Variants in DIDO1 observed in about 807,000 individuals in gnomAD.
DIDO1 encodes death-inducer obliterator 1.
In DIDO1, 16 loss-of-function variants were observed where a neutral mutation model predicts 99.4. The observed-to-expected ratio is 0.16, with a 90% confidence interval of 0.11 to 0.24. The LOEUF is 0.24. DIDO1 is among the 10% of genes least tolerant of loss of function. The pLI is 1.00. For synonymous variants in DIDO1, 1,366 were observed against 1,239.1 expected, an observed-to-expected ratio of 1.10 and a Z score of -2.15; for missense variants, 2,996 against 3,014.0, an observed-to-expected ratio of 0.99 and a Z score of 0.14.
In DIDO1 at chr20:62,878,836, T is replaced by C. The variant is rs1346697124; in HGVS notation, c.*397A>G. The C allele has an allele frequency of 1.2e-5, 2 of 162,340 alleles. No homozygotes were observed. Among genetic ancestry groups the C allele is most frequent in the African/African-American group, 4.8e-5 (2 of 41,854 alleles). The allele number at this position is 162,340 out of a possible 1,614,324, so 10.1% of individuals were successfully genotyped here. A position where few individuals can be genotyped will look rare whatever the true frequency, so the allele number is the denominator to read the frequency against. On this transcript the variant is annotated 3_prime_UTR_variant, in exon 16 of 16. Transcript: ENST00000395343. ...CCTGCAGGTCACGCCCACACCGGCCTCCGGGGCGGCGGCTAAGACCTGTAA... is the reference window on the plus strand; with the variant it reads ...CCTGCAGGTCACGCCCACACCGGCCCCCGGGGCGGCGGCTAAGACCTGTAA...
intron 1 of DIDO1, among the ~76,000 whole-genome samples, chr20:62,922,178 A>ATG (rs1197457944): frequency 7.4e-5 from 11 of 149,146 alleles, no homozygotes; most frequent in African/African-American, 2.5e-4. Context: ...GCTCTTTTAT[A>ATG]TGTATGTGTG....
upstream of DIDO1, among the ~76,000 whole-genome samples, chr20:62,929,692 A>AAAAAAAAAAAAAAATATATATAT: frequency 1.1e-4 from 7 of 63,710 alleles, no homozygotes; most frequent in African/African-American, 5.3e-4. Flanking sequence ...AAAAAGAAAA[A>AAAAAAAAAAAAAAATATATATAT]GTGTATATAT....
intron 1 of DIDO1, among the ~76,000 whole-genome samples, chr20:62,936,697 C>G (rs569283206): frequency 2.6e-4 from 39 of 151,730 alleles, no homozygotes; most frequent in African/African-American, 9.0e-4. Context: ...AACCCCGTCT[C>G]TACTAAAAAT....
At chr20:62,901,208 G>A (rs1410389444) in intron 6 of DIDO1, among the ~76,000 whole-genome samples, 1 of 152,214 alleles carries the variant, frequency 6.6e-6, no homozygotes, top group Non-Finnish European at 1.5e-5. Context: ...CTACAGCCAG[G>A]ACGCCCTTGC....
chr20:62,897,676 G>A (rs1280155456), intron 6 of DIDO1, among the ~76,000 whole-genome samples: 1 of 152,176 alleles, frequency 6.6e-6, no homozygotes, highest in Non-Finnish European at 1.5e-5. Flanking sequence ...TCCAAACAAG[G>A]ATTATAATTA....
At chr20:62,925,754 G>C (rs1017518980) in intron 1 of DIDO1, among the ~76,000 whole-genome samples, 2 of 152,212 alleles carry the variant, frequency 1.3e-5, no homozygotes, top group Non-Finnish European at 2.9e-5. Flanking sequence ...GGCCCTTTCG[G>C]CTTCCGGGGT....
Position 62,911,641 on chromosome 20 carries a change from G to C in DIDO1, c.-2-27C>G, listed in dbSNP as rs745576653. The C allele has an allele frequency of 4.5e-5, 68 of 1,508,148 alleles. No homozygotes were observed. Among genetic ancestry groups the C allele is most frequent in the Non-Finnish European group, 5.7e-5 (64 of 1,126,366 alleles). The allele number at this position is 1,508,148 out of a possible 1,614,324, so 93.4% of individuals were successfully genotyped here. A position where few individuals can be genotyped will look rare whatever the true frequency, so the allele number is the denominator to read the frequency against. ...TAGCGGTAAAGTGTAAGCACATAGT[G>C]ACCAACTGACCACAGAACAAAAGGT... On this transcript the variant is annotated intron_variant, in intron 2 of 15. Transcript: ENST00000395343. This position sits in a 1 kb window ranked among gnomAD's most constrained non-coding sequence, Gnocchi z 7.0.
At chr20:62,897,355 G>C (rs751718971) in intron 6 of DIDO1, among the ~76,000 whole-genome samples, 107 of 152,202 alleles carry the variant, frequency 7.0e-4, no homozygotes, top group Non-Finnish European at 1.3e-3. Flanking sequence ...ATTTACAGCA[G>C]CACTATCATT....
At chr20:62,929,067 A>T (rs546505193), upstream of DIDO1, 103 of 152,086 alleles carry the variant, frequency 6.8e-4, 1 homozygote, top group African/African-American at 2.1e-3. Context: ...TGACAAAAAT[A>T]CTCCAGGAGG....
intron 1 of DIDO1, among the ~76,000 whole-genome samples, chr20:62,918,074 C>T (rs2065071142): frequency 6.6e-6 from 1 of 152,240 alleles, no homozygotes; most frequent in Non-Finnish European, 1.5e-5. Context: ...CACAAGGGTT[C>T]TGTAACTACC....
At chr20:62,910,645 T>C in intron 3 of DIDO1, 129 bp downstream of exon 3, 1 of 1,165,202 alleles carries the variant, frequency 8.6e-7, no homozygotes, top group Non-Finnish European at 1.2e-6. Context: ...TGTTTCTTTT[T>C]TGACAACTTG....
intron 15 of DIDO1, 34 bp downstream of exon 15, chr20:62,890,926 G>T: frequency 6.2e-7 from 1 of 1,612,570 alleles, no homozygotes; most frequent in East Asian, 2.2e-5. Context: ...AGGTGCAGGT[G>T]GGCCTCACCT....
At chr20:62,923,893 T>G (rs965787798) in intron 1 of DIDO1, among the ~76,000 whole-genome samples, 13 of 152,230 alleles carry the variant, frequency 8.5e-5, no homozygotes, top group Non-Finnish European at 1.9e-4. Flanking sequence ...AACCGCCTAT[T>G]AAGTTTTATG....
chr20:62,879,526 T>A lies in DIDO1; in HGVS notation c.6430A>T (p.Ser2144Cys), dbSNP rs957683635. The A allele has an allele frequency of 4.4e-6, 7 of 1,599,638 alleles. No homozygotes were observed. Among genetic ancestry groups the A allele is most frequent in the Non-Finnish European group, 5.9e-6 (7 of 1,179,130 alleles). The change falls in exon 16 of 16, where the codon AGC (serine) becomes TGC (cysteine). Residue 2144 changes from serine (S) to cysteine (C), a missense_variant. Coordinates refer to ENST00000395343, the MANE Select transcript of DIDO1 (RefSeq NM_001193369.2). This position sits in a 1 kb window ranked among gnomAD's most constrained non-coding sequence, Gnocchi z 6.3. ...EWDRHRDKDS[S>C]RDWDRNRERS... ...TCCCGGTTTCTGTCCCAGTCCCGGCTGGAGTCCTTGTCCCGGTGTCGGTCC... is the reference window on the plus strand; with the variant it reads ...TCCCGGTTTCTGTCCCAGTCCCGGCAGGAGTCCTTGTCCCGGTGTCGGTCC...
At chr20:62,922,198 A>G (rs544075256) in intron 1 of DIDO1, among the ~76,000 whole-genome samples, 3,934 of 90,980 alleles carry the variant, frequency 0.043, 146 homozygotes, top group African/African-American at 0.15. Flanking sequence ...GTGTGTGTGT[A>G]TATATATATG....
At chr20:62,892,464 G>A (rs569917207) in intron 13 of DIDO1, among the ~76,000 whole-genome samples, 4 of 152,294 alleles carry the variant, frequency 2.6e-5, no homozygotes, top group Non-Finnish European at 5.9e-5. Flanking sequence ...GCGCCACCCC[G>A]CAAGTGGCCA....
At chr20:62,916,425 G>A (rs543084714) in intron 1 of DIDO1, among the ~76,000 whole-genome samples, 14 of 152,272 alleles carry the variant, frequency 9.2e-5, no homozygotes, top group East Asian at 3.9e-4. Flanking sequence ...CTTGAATGGC[G>A]GCTCTCAAAC....
At chr20:62,902,453 A>C (rs1256946087) in intron 6 of DIDO1, among the ~76,000 whole-genome samples, 2 of 152,186 alleles carry the variant, frequency 1.3e-5, no homozygotes, top group African/African-American at 4.8e-5. Context: ...TGCCGCTGAC[A>C]ACTCTGGAGG....
At chr20:62,902,751 C>CAA (rs1305193041) in intron 6 of DIDO1, among the ~76,000 whole-genome samples, 1 of 152,246 alleles carries the variant, frequency 6.6e-6, no homozygotes, top group African/African-American at 2.4e-5. Context: ...CCATGCTTAA[C>CAA]ACAGCATCTG....
Sources: allele counts gnomAD v4.1 joint callset (sites outside exome capture counted in the v4.1 genomes callset), GRCh38; gene constraint gnomAD v4.1.1; non-coding constraint Gnocchi (gnomAD v3.1); transcripts MANE v1.5; gene names NCBI Gene and HGNC (gene_info 2026-07-23, HGNC 2026-07-21).